Variants in MICU1 observed in about 807,000 individuals in gnomAD.
MICU1 encodes the protein mitochondrial calcium uptake 1.
In MICU1, 45 loss-of-function variants were observed where a neutral mutation model predicts 56.8. That is an observed-to-expected ratio of 0.79 (90% CI 0.62 to 1.02). The LOEUF (loss-of-function observed/expected upper bound fraction) is 1.02. Among genes scored for constraint, MICU1 ranks in the 50% least tolerant of loss-of-function variants. The pLI, the probability that MICU1 is intolerant of heterozygous loss-of-function variation, is 0.00. For missense variants in MICU1, 504 were observed against 587.1 expected, an observed-to-expected ratio of 0.86 and a Z score of 1.46; for synonymous variants, 186 against 195.1, an observed-to-expected ratio of 0.95 and a Z score of 0.39.
At chr10:72,449,529 C>T (rs972021954) in intron 8 of MICU1, among the ~76,000 whole-genome samples, 6 of 152,202 alleles carry the variant, frequency 3.9e-5, no homozygotes, top group East Asian at 3.9e-4. Flanking sequence ...TGAGCCACTG[C>T]ACCTGGTAAG....
chr10:72,437,229 T>A (rs1163157941), intron 8 of MICU1, among the ~76,000 whole-genome samples: 1 of 151,902 alleles, frequency 6.6e-6, no homozygotes, highest in African/African-American at 2.4e-5. Context: ...CAGAAGAGAG[T>A]GGGGGCCAAT....
rs566184927 is a variant in MICU1 at position 72,443,869 on chromosome 10, T to G, written c.934-20498A>C. Among the ~76,000 whole-genome samples, 673 of 151,924 alleles carry G rather than the reference T, an allele frequency of 4.4e-3. 6 individuals are homozygous for G. The highest frequency in any genetic ancestry group is 6.4e-3 in the Non-Finnish European group (434 of 67,932). On this transcript the variant is annotated intron_variant, in intron 8 of 11. Coordinates refer to ENST00000361114, the MANE Select transcript of MICU1 (RefSeq NM_001195518.2). ...CCATTTGACCCAGCCATCCCATTACTGGGTATATACCCAAAGGACTATAAA... is the reference window on the plus strand; with the variant it reads ...CCATTTGACCCAGCCATCCCATTACGGGGTATATACCCAAAGGACTATAAA...
chr10:72,553,952 A>C (rs1840098677), intron 3 of MICU1, among the ~76,000 whole-genome samples: 1 of 152,186 alleles, frequency 6.6e-6, no homozygotes, highest in Admixed American at 6.5e-5. Context: ...AAGCAGAGAT[A>C]AATAGAAATC....
At chr10:72,510,895 G>A (rs1443188876) in intron 5 of MICU1, among the ~76,000 whole-genome samples, 2 of 152,168 alleles carry the variant, frequency 1.3e-5, no homozygotes, top group African/African-American at 4.8e-5. Context: ...GCCTCCCAAA[G>A]TTCTGGGATT....
intron 4 of MICU1, 118 bp downstream of exon 4, chr10:72,551,061 C>T: frequency 2.0e-6 from 2 of 985,196 alleles, no homozygotes; most frequent in East Asian, 2.9e-5. Context: ...ATTCAATAGA[C>T]ACACTGTTCA....
intron 5 of MICU1, among the ~76,000 whole-genome samples, chr10:72,529,744 G>T (rs939868460): frequency 6.6e-6 from 1 of 151,890 alleles, no homozygotes; most frequent in Non-Finnish European, 1.5e-5. Context: ...TTACATGAAA[G>T]AAATATTTAA....
chr10:72,457,180 TA>T (rs1361704929), intron 8 of MICU1, among the ~76,000 whole-genome samples: 1 of 151,772 alleles, frequency 6.6e-6, no homozygotes, highest in Non-Finnish European at 1.5e-5. Context: ...GCTCTAATTT[TA>T]GAAGGAGTGG....
chr10:72,512,836 C>G (rs1361111245), intron 5 of MICU1, among the ~76,000 whole-genome samples: 1 of 152,112 alleles, frequency 6.6e-6, no homozygotes, highest in Non-Finnish European at 1.5e-5. Flanking sequence ...TCCCCAGTAG[C>G]TGGGACTACA....
chr10:72,420,427 A>G (rs911388033), intron 9 of MICU1, among the ~76,000 whole-genome samples: 1 of 152,102 alleles, frequency 6.6e-6, no homozygotes, highest in Non-Finnish European at 1.5e-5. Flanking sequence ...GCCATGTGGA[A>G]CTGTGAAATC....
At chr10:72,385,007 C>G (rs1405045295) in intron 10 of MICU1, among the ~76,000 whole-genome samples, 1 of 152,078 alleles carries the variant, frequency 6.6e-6, no homozygotes, top group Non-Finnish European at 1.5e-5. Flanking sequence ...GGGATGCTCT[C>G]CCTACATTCT....
At chr10:72,369,756 T>A (rs1862265621) in intron 11 of MICU1, among the ~76,000 whole-genome samples, 1 of 152,142 alleles carries the variant, frequency 6.6e-6, no homozygotes, top group African/African-American at 2.4e-5. Flanking sequence ...TTGCCCAGGC[T>A]GGAGTGCAGT....
chr10:72,535,222 G>T (rs1232558380), intron 4 of MICU1, among the ~76,000 whole-genome samples: 1 of 151,642 alleles, frequency 6.6e-6, no homozygotes. Context: ...TAAAGATGGG[G>T]TTTTGCCAGG....
intron 1 of MICU1, among the ~76,000 whole-genome samples, chr10:72,609,313 T>C (rs566775712): frequency 2.6e-5 from 4 of 152,212 alleles, no homozygotes; most frequent in Non-Finnish European, 5.9e-5. Flanking sequence ...GCATGACATG[T>C]TGAATGTACT....
chr10:72,523,381 T>C (rs1249485481), intron 5 of MICU1, among the ~76,000 whole-genome samples: 2 of 152,212 alleles, frequency 1.3e-5, no homozygotes, highest in South Asian at 2.1e-4. Flanking sequence ...TGGAATCGTC[T>C]ATACGTTATT....
chr10:72,458,339 C>A (rs1865537963), intron 8 of MICU1, among the ~76,000 whole-genome samples: 1 of 152,128 alleles, frequency 6.6e-6, no homozygotes, highest in South Asian at 2.1e-4. Context: ...TTCAAGGAAA[C>A]TACTTTAGGT....
chr10:72,539,831 C>A (rs1839725656), intron 4 of MICU1, among the ~76,000 whole-genome samples: 1 of 152,100 alleles, frequency 6.6e-6, no homozygotes, highest in African/African-American at 2.4e-5. Context: ...GTGTTGGCAG[C>A]AGTGCAGAGG....
At chr10:72,421,254 TTTTC>T (rs1047612584) in intron 9 of MICU1, among the ~76,000 whole-genome samples, 2 of 151,694 alleles carry the variant, frequency 1.3e-5, no homozygotes, top group African/African-American at 4.8e-5. Flanking sequence ...TTCTTTCTTT[TTTTC>T]TTTATCTTTT....
chr10:72,512,611 C>A (rs1487426316), intron 5 of MICU1, among the ~76,000 whole-genome samples: 1 of 152,086 alleles, frequency 6.6e-6, no homozygotes, highest in East Asian at 1.9e-4. Context: ...TGTTTGAGTA[C>A]CTGTTGTCAA....
chr10:72,530,829 C>G (rs1280130808), intron 5 of MICU1, among the ~76,000 whole-genome samples: 1 of 152,098 alleles, frequency 6.6e-6, no homozygotes, highest in Admixed American at 6.5e-5. Context: ...TTACAGGGAA[C>G]CTTCTAGTTA....
Sources: allele counts gnomAD v4.1 joint callset (sites outside exome capture counted in the v4.1 genomes callset), GRCh38; gene constraint gnomAD v4.1.1; transcripts MANE v1.5; gene names NCBI Gene and HGNC (gene_info 2026-07-23, HGNC 2026-07-21).